IL16: variants seen among roughly 807,000 people sequenced by gnomAD.
IL16 encodes pro-interleukin-16.
A neutral mutation model predicts 110.1 loss-of-function variants in IL16; 67 were observed. That is an observed-to-expected ratio of 0.61 (90% CI 0.50 to 0.75). The LOEUF is 0.75. Among genes scored for constraint, IL16 ranks in the 30% least tolerant of loss-of-function variants. The probability of loss-of-function intolerance (pLI) is 0.00; values close to 1 mark genes in which losing one functional copy is unlikely to be tolerated. For synonymous variants in IL16, 689 were observed against 662.9 expected (o/e 1.04, Z -0.61); for missense variants, 1,545 against 1,655.0 (o/e 0.93, Z 1.15).
chr15:81,217,724 A>G (rs966429735), intron 1 of IL16, among the ~76,000 whole-genome samples: 2 of 152,222 alleles, frequency 1.3e-5, no homozygotes, highest in African/African-American at 2.4e-5. Context: ...AAGTAGCTCA[A>G]TTGTAAGAAA....
chr15:81,260,626 A>AT (rs547379621), intron 3 of IL16, among the ~76,000 whole-genome samples: 10 of 152,164 alleles, frequency 6.6e-5, no homozygotes, highest in Admixed American at 1.3e-4. Flanking sequence ...GGTACATGAG[A>AT]TTTTGTCTGA....
chr15:81,253,788 GC>G (rs1158296898), intron 2 of IL16, among the ~76,000 whole-genome samples: 1 of 152,208 alleles, frequency 6.6e-6, no homozygotes, highest in East Asian at 1.9e-4. Context: ...AATATCCTGA[GC>G]TATGCCATTG....
At chr15:81,245,424 A>T (rs1414961947) in intron 2 of IL16, among the ~76,000 whole-genome samples, 5 of 152,142 alleles carry the variant, frequency 3.3e-5, no homozygotes, top group Non-Finnish European at 7.3e-5. Context: ...TTGTATAGAG[A>T]TGTGATTTAC....
At chr15:81,247,519 A>G (rs1344516326) in intron 2 of IL16, among the ~76,000 whole-genome samples, 1 of 152,194 alleles carries the variant, frequency 6.6e-6, no homozygotes, top group African/African-American at 2.4e-5. Context: ...TCGAGTAACT[A>G]CATATTCACA....
intron 2 of IL16, among the ~76,000 whole-genome samples, chr15:81,236,208 CA>C (rs2142082825): frequency 6.6e-6 from 1 of 152,350 alleles, no homozygotes; most frequent in Non-Finnish European, 1.5e-5. Flanking sequence ...CTTCCTTCAG[CA>C]GACAAAATCC....
rs1900819376 is a variant in IL16, at chr15:81,310,907, G to A, written c.*2109G>A. On this transcript the variant is annotated 3_prime_UTR_variant, in exon 19 of 19. Transcript: ENST00000683961. ...GTTATCTGGGCATAGATGCAGGTGAGCCCATGGCCCTCCCAGTACCTCCTG... is the reference window on the plus strand; with the variant it reads ...GTTATCTGGGCATAGATGCAGGTGAACCCATGGCCCTCCCAGTACCTCCTG... 6.6e-6 allele frequency: 1 copy of A among 152,256 alleles called. No individual in the cohort carries two copies. The highest frequency in any genetic ancestry group is 2.4e-5 in the African/African-American group (1 of 41,434). The allele number at this position is 152,256 out of a possible 1,614,324, so 9.4% of individuals were successfully genotyped here.
In IL16 at chr15:81,308,824, ATAACACACAGC is replaced by A; in HGVS notation, c.*39_*49del. The A allele has an allele frequency of 1.0e-5, 16 of 1,588,204 alleles. No individual in the cohort carries two copies. The highest frequency in any genetic ancestry group is 1.4e-5 in the Non-Finnish European group (16 of 1,164,206). On this transcript the variant is annotated 3_prime_UTR_variant, in exon 19 of 19. Transcript: ENST00000683961. ...GCAGGACATGCTGAAGCCAAAGCCA[ATAACACACAGC>A]TAACACACAGCTCCCATAACCGCTG... is the stretch of plus-strand genomic sequence containing the variant.
chr15:81,313,160 C>A lies in IL16; in HGVS notation c.*4362C>A, dbSNP rs920723924. The A allele has an allele frequency of 7.2e-7, 1 of 1,384,228 alleles. No individual in the cohort carries two copies. Among genetic ancestry groups the A allele is most frequent in the Non-Finnish European group, 9.6e-7 (1 of 1,043,888 alleles). 85.7% of individuals were successfully genotyped at this position (1,384,228 alleles called of 1,614,324 possible). A position where few individuals can be genotyped will look rare whatever the true frequency, so the allele number is the denominator to read the frequency against. On this transcript the variant is annotated 3_prime_UTR_variant, in exon 19 of 19. Transcript: ENST00000683961. ...CCATCAGCTTGTTCCAAAGAGTGAA[C>A]ACAGGCCTCTGCGTGCTCCCAGGCT...
chr15:81,227,909 G>GTGAGCACCTGGGGGTAGAAGTTTCAGCT (rs1267550363), intron 2 of IL16, among the ~76,000 whole-genome samples: 1 of 152,220 alleles, frequency 6.6e-6, no homozygotes, highest in Non-Finnish European at 1.5e-5. Context: ...GTTTCAGCCT[G>GTGAGCACCTGGGGGTAGAAGTTTCAGCT]TGAGCACCTG....
Position 81,313,703 on chromosome 15 carries a change from G to A in IL16, c.*4905G>A, listed in dbSNP as rs1335759011. ...CCGATTCACTCAGCAAATGCTTTCA[G>A]AGAACTCACTTTGTGCCAGGCCCTG... On this transcript the variant is annotated 3_prime_UTR_variant, in exon 19 of 19. Transcript: ENST00000683961. The A allele has an allele frequency of 9.1e-6, 2 of 219,264 alleles. No homozygotes were observed. Among genetic ancestry groups the A allele is most frequent in the African/African-American group, 2.3e-5 (1 of 43,922 alleles). The allele number at this position is 219,264 out of a possible 1,614,324, so 13.6% of individuals were successfully genotyped here. A position where few individuals can be genotyped will look rare whatever the true frequency, so the allele number is the denominator to read the frequency against.
chr15:81,233,939 T>G (rs539588869), intron 2 of IL16, among the ~76,000 whole-genome samples: 71 of 152,100 alleles, frequency 4.7e-4, no homozygotes, highest in Non-Finnish European at 8.2e-4. Flanking sequence ...AATTTTTGCC[T>G]TATATATTTT....
intron 9 of IL16, among the ~76,000 whole-genome samples, chr15:81,285,393 G>A (rs1596033206): frequency 6.6e-6 from 1 of 152,186 alleles, no homozygotes; most frequent in Admixed American, 6.5e-5. Context: ...CACACCCTCA[G>A]TCTTTAATGG....
At chr15:81,275,740 C>T (rs1397927745) in intron 6 of IL16, among the ~76,000 whole-genome samples, 1 of 152,130 alleles carries the variant, frequency 6.6e-6, no homozygotes, top group Non-Finnish European at 1.5e-5. Context: ...CTGATTCTAG[C>T]CTCAAACATT....
intron 18 of IL16, 38 bp from the exon 19 acceptor site, chr15:81,308,567 A>G: frequency 6.7e-7 from 1 of 1,494,820 alleles, no homozygotes; most frequent in Non-Finnish European, 9.1e-7. Flanking sequence ...CTTGTTCCCC[A>G]TCATCTGTGG....
intron 2 of IL16, among the ~76,000 whole-genome samples, chr15:81,233,896 G>A (rs1360963946): frequency 2.0e-5 from 3 of 151,926 alleles, no homozygotes; most frequent in Non-Finnish European, 4.4e-5. Flanking sequence ...CATTATTATT[G>A]TAGATTGGTC....
rs184476387 is a variant in IL16 at position 81,273,990 on chromosome 15, A to G, written c.790+786A>G. ...TGAGCAACAGGTTTGGCCCAAAGAA[A>G]TTGCCAGGTTTCAACTCAGGAGGCA... On this transcript the variant is annotated intron_variant, in intron 6 of 18. Coordinates refer to ENST00000683961, the MANE Select transcript of IL16 (RefSeq NM_172217.5). 1.2e-3 allele frequency among the ~76,000 whole-genome samples: 187 copies of G among 152,026 alleles called. 3 individuals are homozygous for G. The highest frequency in any genetic ancestry group is 0.01 in the Admixed American group (155 of 15,272).
chr15:81,257,637 GT>G (rs1348920362), intron 2 of IL16, among the ~76,000 whole-genome samples: 2 of 152,144 alleles, frequency 1.3e-5, no homozygotes, highest in African/African-American at 2.4e-5. Flanking sequence ...CTGAGGGTGG[GT>G]TATTTGGCAC....
At chr15:81,264,632 C>T (rs1402489260) in intron 3 of IL16, among the ~76,000 whole-genome samples, 2 of 152,160 alleles carry the variant, frequency 1.3e-5, no homozygotes, top group Non-Finnish European at 2.9e-5. Context: ...ACTTGGCCCT[C>T]AGGATACTAG....
chr15:81,295,393 A>G (rs953609522), intron 12 of IL16: 6 of 1,261,122 alleles, frequency 4.8e-6, no homozygotes, highest in Non-Finnish European at 6.2e-6. Context: ...TGAAAAGACA[A>G]AACACATTTG....
Sources: allele counts gnomAD v4.1 joint callset (sites outside exome capture counted in the v4.1 genomes callset), GRCh38; gene constraint gnomAD v4.1.1; transcripts MANE v1.5; gene names NCBI Gene and HGNC (gene_info 2026-07-23, HGNC 2026-07-21).